TANGO6: variants seen among roughly 807,000 people sequenced by gnomAD.
TANGO6 encodes transport and Golgi organization protein 6 homolog.
TANGO6 carries 90 observed loss-of-function variants against 114.2 expected under a neutral mutation model. The ratio of observed to expected loss-of-function variants is 0.79; its 90% CI spans 0.66 to 0.94. The LOEUF (loss-of-function observed/expected upper bound fraction) is 0.94, where lower values mean the gene tolerates loss of function less well. Among genes scored for constraint, TANGO6 ranks in the 40% least tolerant of loss-of-function variants. The pLI, the probability that TANGO6 is intolerant of heterozygous loss-of-function variation, is 0.00. For missense variants in TANGO6, 1,274 were observed against 1,315.3 expected, an observed-to-expected ratio of 0.97 and a Z score of 0.49; for synonymous variants, 477 against 509.8, an observed-to-expected ratio of 0.94 and a Z score of 0.87.
intron 11 of TANGO6, among the ~76,000 whole-genome samples, chr16:68,909,907 A>C (rs1244848330): frequency 6.6e-6 from 1 of 152,194 alleles, no homozygotes; most frequent in Non-Finnish European, 1.5e-5. Context: ...TGGGTCCTGT[A>C]ACTCACAGCT....
intron 11 of TANGO6, among the ~76,000 whole-genome samples, chr16:68,913,019 G>A (rs1411524042): frequency 6.6e-6 from 1 of 150,506 alleles, no homozygotes; most frequent in Non-Finnish European, 1.5e-5. Flanking sequence ...GGCGGAGGTT[G>A]CAGTGAGCCG....
chr16:68,854,243 T>C (rs370258524), intron 1 of TANGO6, among the ~76,000 whole-genome samples: 19 of 152,260 alleles, frequency 1.2e-4, no homozygotes, highest in Non-Finnish European at 1.9e-4. Flanking sequence ...TGCTTAAGCA[T>C]AGGAGTTCAA....
At chr16:68,934,921 C>T (rs1432868561) in intron 14 of TANGO6, among the ~76,000 whole-genome samples, 1 of 152,014 alleles carries the variant, frequency 6.6e-6, no homozygotes, top group Non-Finnish European at 1.5e-5. Flanking sequence ...TAGTAATTTT[C>T]GTTGGTGTGC....
rs573467608 is a variant in TANGO6, at chr16:68,887,158, A to T, written c.1377+6528A>T. The stretch of plus-strand genomic sequence containing the variant: ...CCCTCTTTCTGGAAGAGCAGTTTTT[A>T]TAATCCCCAACCTGTTCCCATCTTA... On this transcript the variant is annotated intron_variant, in intron 7 of 17. Coordinates refer to ENST00000261778, the MANE Select transcript of TANGO6 (RefSeq NM_024562.2). Among the ~76,000 whole-genome samples, 3 of 152,278 alleles carry T rather than the reference A, an allele frequency of 2.0e-5. No individual in the cohort carries two copies. In the South Asian group the frequency reaches 6.2e-4, roughly 32 times the overall value.
Position 68,963,316 on chromosome 16 carries a change from A to G in TANGO6, c.2702-10712A>G, listed in dbSNP as rs143279794. Among the ~76,000 whole-genome samples, 564 of 152,148 alleles carry G rather than the reference A, an allele frequency of 3.7e-3. 4 individuals carry two copies. Among genetic ancestry groups the G allele is most frequent in the African/African-American group, 0.013 (547 of 41,500 alleles). On this transcript the variant is annotated intron_variant, in intron 14 of 17. Transcript: ENST00000261778. The stretch of plus-strand genomic sequence containing the variant: ...TGTGTATGTTTAGTAGGATTTCACC[A>G]TATTAGCCAGGCTGGTCTTGAACTC...
At chr16:68,878,048 CT>C (rs1193202022) in intron 5 of TANGO6, 69 bp from the exon 6 acceptor site, 1 of 1,322,734 alleles carries the variant, frequency 7.6e-7, no homozygotes, top group African/African-American at 1.5e-5. Context: ...GAAATTCATG[CT>C]TTTTGTTTTT....
chr16:68,936,442 C>T (rs1170997017), intron 14 of TANGO6, among the ~76,000 whole-genome samples: 2 of 152,120 alleles, frequency 1.3e-5, no homozygotes, highest in Non-Finnish European at 1.5e-5. Flanking sequence ...AAGCAATTCT[C>T]CTGCCCCAGC....
intron 17 of TANGO6, among the ~76,000 whole-genome samples, chr16:69,075,354 T>A (rs1477536695): frequency 6.6e-6 from 1 of 152,158 alleles, no homozygotes; most frequent in Non-Finnish European, 1.5e-5. Flanking sequence ...CTACACAGAA[T>A]CACTGAAATT....
intron 14 of TANGO6, among the ~76,000 whole-genome samples, chr16:68,958,334 A>G (rs866314663): frequency 2.6e-5 from 4 of 150,946 alleles, no homozygotes; most frequent in South Asian, 2.1e-4. Context: ...TACTAAAACC[A>G]CAAAATTAGC....
chr16:69,023,244 C>T (rs1430539058), intron 16 of TANGO6, among the ~76,000 whole-genome samples: 2 of 151,952 alleles, frequency 1.3e-5, no homozygotes, highest in East Asian at 3.9e-4. Flanking sequence ...TTGCTTGCGG[C>T]CAGGAGTCTG....
intron 15 of TANGO6, among the ~76,000 whole-genome samples, chr16:69,021,881 T>C (rs1417580677): frequency 1.3e-5 from 2 of 151,140 alleles, no homozygotes; most frequent in Non-Finnish European, 2.9e-5. Flanking sequence ...TGTAAATTTT[T>C]TTTTCTTTTT....
intron 15 of TANGO6, among the ~76,000 whole-genome samples, chr16:68,999,134 C>T (rs1187518876): frequency 6.6e-6 from 1 of 152,158 alleles, no homozygotes; most frequent in Non-Finnish European, 1.5e-5. Flanking sequence ...TCTCCCACCT[C>T]GGCTTCCCAA....
In TANGO6 at chr16:68,863,046, G is replaced by A; in HGVS notation, c.837G>A (p.Gln279=). The A allele has an allele frequency of 2.5e-6, 4 of 1,576,188 alleles. No individual in the cohort carries two copies. Among genetic ancestry groups the A allele is most frequent in the Non-Finnish European group, 3.4e-6 (4 of 1,160,974 alleles). Residue 279 remains glutamine (Q), a synonymous_variant, in exon 3 of 18, where the codon CAG becomes CAA. Coordinates refer to ENST00000261778, the MANE Select transcript of TANGO6 (RefSeq NM_024562.2). The stretch of plus-strand genomic sequence containing the variant: ...CAGTCCGGGAACTGCTTATCCTCCA[G>A]GGAGGACCACCCCAGGTACTCAGGC... ...PLAVRELLIL[Q]GGPPQSCTDV...
At chr16:68,981,737 A>G (rs1470782616) in intron 15 of TANGO6, among the ~76,000 whole-genome samples, 20 of 152,190 alleles carry the variant, frequency 1.3e-4, no homozygotes, top group Admixed American at 6.5e-5. Flanking sequence ...CCTTTCTCAC[A>G]TATGCCTGAT....
intron 15 of TANGO6, among the ~76,000 whole-genome samples, chr16:68,997,812 C>G (rs1054482287): frequency 6.6e-6 from 1 of 152,200 alleles, no homozygotes; most frequent in African/African-American, 2.4e-5. Context: ...TCCTCCCTCC[C>G]TTTTACAAGG....
Position 69,040,311 on chromosome 16 carries a change from A to T in TANGO6, c.2998A>T (p.Thr1000Ser), listed in dbSNP as rs757802499. 1 of 1,602,282 alleles carries T rather than the reference A, an allele frequency of 6.2e-7. No homozygotes were observed. Among genetic ancestry groups the T allele is most frequent in the Non-Finnish European group, 8.5e-7 (1 of 1,174,456 alleles). ...TCATCTTCCTTCATCCTCCTAGGTA[A>T]CAGCTTGCCTGATTGCTGTGGCCAA... is the stretch of plus-strand genomic sequence containing the variant. The part of the protein sequence containing the change: ...FLLGSVVHEV[T>S]ACLIAVAKTD... Residue 1000 changes from threonine to serine, a missense_variant, in exon 17 of 18, where the codon ACA (threonine) becomes TCA (serine). By Grantham distance (58) the Thr-to-Ser change is moderately conservative. Transcript: ENST00000261778.
At chr16:68,997,873 C>A (rs1360445145) in intron 15 of TANGO6, among the ~76,000 whole-genome samples, 1 of 152,192 alleles carries the variant, frequency 6.6e-6, no homozygotes, top group Non-Finnish European at 1.5e-5. Flanking sequence ...TCTTCTGTAA[C>A]TTCTTCAGGC....
chr16:68,892,406 G>A (rs1962635554), intron 7 of TANGO6, among the ~76,000 whole-genome samples: 1 of 152,144 alleles, frequency 6.6e-6, no homozygotes, highest in African/African-American at 2.4e-5. Flanking sequence ...CTGTATCCTT[G>A]CCTAATCTGT....
intron 14 of TANGO6, among the ~76,000 whole-genome samples, chr16:68,972,566 A>G (rs1963717831): frequency 6.6e-6 from 1 of 152,182 alleles, no homozygotes; most frequent in Non-Finnish European, 1.5e-5. Flanking sequence ...TTACTCATCC[A>G]TCCATTCATC....
Sources: gnomAD v4.1 joint callset for allele counts (sites outside exome capture counted in the v4.1 genomes callset) on GRCh38, gnomAD v4.1.1 for gene constraint, MANE v1.5 for transcripts, NCBI Gene and HGNC (gene_info 2026-07-23, HGNC 2026-07-21) for gene names.